ATP8B1: variants seen among roughly 807,000 people sequenced by gnomAD.
ATP8B1 encodes ATPase phospholipid transporting 8B1, also known as phospholipid-transporting ATPase IC.
Under a neutral mutation model 149.9 loss-of-function variants are expected in ATP8B1, and 80 were observed. The ratio of observed to expected loss-of-function variants is 0.53; its 90% CI spans 0.45 to 0.64. The LOEUF is 0.64. ATP8B1 is among the 30% of genes least tolerant of loss of function. ATP8B1 has a pLI of 0.00. For synonymous variants in ATP8B1, 536 were observed against 562.8 expected (o/e 0.95, Z 0.67); for missense variants, 1,247 against 1,552.6 (o/e 0.80, Z 3.31).
intron 18 of ATP8B1, 195 bp from the exon 19 acceptor site, chr18:57,668,735 ACT>A (rs1219150820): frequency 1.9e-6 from 1 of 526,808 alleles, no homozygotes; most frequent in Non-Finnish European, 3.3e-6. Flanking sequence ...ACACCTAAAA[ACT>A]TTTTCCCTAA....
rs998138817 is a variant in ATP8B1 at position 57,802,988 on chromosome 18, C to G, written c.-26+10G>C. 3.3e-5 allele frequency: 5 copies of G among 152,134 alleles called. No homozygotes were observed. Among genetic ancestry groups the G allele is most frequent in the East Asian group, 1.9e-4 (1 of 5,170 alleles). 9.4% of individuals were successfully genotyped at this position (152,134 alleles called of 1,614,324 possible). Reference sequence around the variant, plus strand: ...GGTCTGGGGGCCCCCGGCGCCGCACCCCTGCTTACCTGGCGTTCGCTGGGC... The same window carrying G: ...GGTCTGGGGGCCCCCGGCGCCGCACGCCTGCTTACCTGGCGTTCGCTGGGC... On this transcript the variant is annotated intron_variant, in intron 1 of 27. Coordinates refer to ENST00000648908, the MANE Select transcript of ATP8B1 (RefSeq NM_001374385.1). This position sits in a 1 kb window ranked among gnomAD's most constrained non-coding sequence, Gnocchi z 4.9.
intron 1 of ATP8B1, among the ~76,000 whole-genome samples, chr18:57,770,126 T>C (rs1788943): frequency 6.7e-6 from 1 of 149,558 alleles, no homozygotes; most frequent in Non-Finnish European, 1.5e-5. Context: ...TGAAGTGCAG[T>C]GGTGCGATCT....
At chr18:57,800,673 T>A (rs2080565147) in intron 1 of ATP8B1, among the ~76,000 whole-genome samples, 1 of 152,246 alleles carries the variant, frequency 6.6e-6, no homozygotes, top group South Asian at 2.1e-4. Flanking sequence ...TTCTCTGATT[T>A]AATTCTTTCA....
At position 57,692,833 on chromosome 18, in the gene ATP8B1, TAAG is replaced by T. The variant is rs1322948142; in HGVS notation, c.1030-839_1030-837del. On this transcript the variant is annotated intron_variant, in intron 11 of 27. Transcript: ENST00000648908. ...CATGACATTGTAAAATAAGATCACT[TAAG>T]AAGCAATATGATAAGTATTATGTTG... 1.7e-4 allele frequency among the ~76,000 whole-genome samples: 26 copies of T among 152,318 alleles called. No homozygotes were observed. The East Asian group carries it at 4.2e-3, about 25-fold the overall frequency.
intron 1 of ATP8B1, among the ~76,000 whole-genome samples, chr18:57,775,832 C>T (rs1388607947): frequency 2.6e-5 from 4 of 152,130 alleles, no homozygotes; most frequent in East Asian, 1.9e-4. Flanking sequence ...TTAGTAGAGA[C>T]GGCGTTTCTC....
intron 14 of ATP8B1, 65 bp from the exon 15 acceptor site, chr18:57,684,257 G>T: frequency 6.6e-7 from 1 of 1,516,166 alleles, no homozygotes; most frequent in Non-Finnish European, 9.0e-7. Flanking sequence ...CAAATGACAT[G>T]AACTTTTCTT....
At chr18:57,697,412 C>T (rs141030728) in intron 8 of ATP8B1, among the ~76,000 whole-genome samples, 1 of 152,232 alleles carries the variant, frequency 6.6e-6, no homozygotes, top group African/African-American at 2.4e-5. Context: ...CCTGTCTGAT[C>T]CTTTTACCTT....
chr18:57,747,567 T>A (rs886181236), intron 1 of ATP8B1, among the ~76,000 whole-genome samples: 10 of 152,194 alleles, frequency 6.6e-5, no homozygotes, highest in Non-Finnish European at 7.3e-5. Context: ...AATTCCCACA[T>A]GGCTCCTTTT....
Position 57,706,550 on chromosome 18 carries a change from G to T in ATP8B1, c.219C>A (p.Tyr73Ter). 1 of 1,614,016 alleles carries T rather than the reference G, an allele frequency of 6.2e-7. No homozygotes were observed. The highest frequency in any genetic ancestry group is 8.5e-7 in the Non-Finnish European group (1 of 1,179,972). ...TWQVKANDRKYHEQPHFMNTK... is the reference protein window; with the variant it reads ...TWQVKANDRK Reference sequence around the variant, plus strand: ...TGTTCATAAAGTGAGGTTGTTCGTGGTACTTGCGATCGTTTGCTTTGACTT... The same window carrying T: ...TGTTCATAAAGTGAGGTTGTTCGTGTTACTTGCGATCGTTTGCTTTGACTT... The change falls in exon 3 of 28, where the codon TAC (tyrosine) becomes TAA (stop). Residue 73 changes from tyrosine to a stop codon, truncating the protein, a stop_gained. Transcript: ENST00000648908. LOFTEE classifies it high-confidence loss of function.
intron 2 of ATP8B1, among the ~76,000 whole-genome samples, chr18:57,712,354 G>A (rs1033616898): frequency 1.3e-5 from 2 of 152,096 alleles, no homozygotes; most frequent in African/African-American, 4.8e-5. Context: ...ACAGTGCAGC[G>A]ATTGTGAGGC....
At chr18:57,688,946 C>A (rs1327264119) in intron 12 of ATP8B1, among the ~76,000 whole-genome samples, 1 of 152,178 alleles carries the variant, frequency 6.6e-6, no homozygotes, top group East Asian at 1.9e-4. Context: ...TCAGCCCAAA[C>A]TAAGCCCTCT....
chr18:57,671,220 T>A (rs1239972323), intron 17 of ATP8B1, among the ~76,000 whole-genome samples: 2 of 152,190 alleles, frequency 1.3e-5, no homozygotes, highest in Admixed American at 1.3e-4. Flanking sequence ...TTCCCCTGCC[T>A]CAGTCCTATA....
In ATP8B1 at chr18:57,732,422, G is replaced by A. The variant is rs78303539; in HGVS notation, c.-25-590C>T. On this transcript the variant is annotated intron_variant, in intron 1 of 27. Coordinates refer to ENST00000648908, the MANE Select transcript of ATP8B1 (RefSeq NM_001374385.1). ...AGGGGGTCTCAATGAAATAAATTTA[G>A]TGGGTAACAATCAACATTAAAATAA... 5.8e-3 allele frequency among the ~76,000 whole-genome samples: 873 copies of A among 150,354 alleles called. 11 individuals are homozygous for A. Among genetic ancestry groups the A allele is most frequent in the African/African-American group, 0.021 (840 of 40,936 alleles).
chr18:57,676,243 C>A (rs1911577105), intron 15 of ATP8B1, among the ~76,000 whole-genome samples: 1 of 152,026 alleles, frequency 6.6e-6, no homozygotes, highest in Non-Finnish European at 1.5e-5. Context: ...TCACTGCAGC[C>A]TTGATCGCTT....
intron 2 of ATP8B1, among the ~76,000 whole-genome samples, chr18:57,716,931 C>T (rs391860): frequency 0.17 from 25,541 of 152,066 alleles, 2,848 homozygotes; most frequent in East Asian, 0.49. Flanking sequence ...AGTCACAGAA[C>T]GAGTCTTAAA....
At position 57,668,502 on chromosome 18, in the gene ATP8B1, A is replaced by G. The variant is rs756252468; in HGVS notation, c.2136T>C (p.Asp712=). 1.9e-6 allele frequency: 3 copies of G among 1,599,394 alleles called. No homozygotes were observed. The highest frequency in any genetic ancestry group is 2.3e-5 in the East Asian group (1 of 43,908). ...GATAIEDKLQ[D]GVPETISKLA... ...GTTTTGAAATGGTTTCTGGAACTCC[A>G]TCCTGTAGCTTGTCTTCAATAGCTG... Residue 712 remains aspartate (D), a synonymous_variant, in exon 19 of 28, where the codon GAT becomes GAC. Transcript: ENST00000648908.
intron 1 of ATP8B1, among the ~76,000 whole-genome samples, chr18:57,786,965 CAGA>C (rs1383562525): frequency 6.6e-6 from 1 of 152,162 alleles, no homozygotes; most frequent in African/African-American, 2.4e-5. Flanking sequence ...CGACTTGGAA[CAGA>C]AGAATGACCC....
rs1350723496 is a variant in ATP8B1 at position 57,797,690 on chromosome 18, G to GCTTTCTTT, written c.-26+5300_-26+5307dup. Reference sequence around the variant, plus strand: ...CAGGAAGAGAGCAGACACCTGATCTGCTTTCTTTCTTTCTTTTTTTTTTTT... The same window carrying GCTTTCTTT: ...CAGGAAGAGAGCAGACACCTGATCTGCTTTCTTTCTTTCTTTCTTTCTTTTTTTTTTTT... On this transcript the variant is annotated intron_variant, in intron 1 of 27. Coordinates refer to ENST00000648908, the MANE Select transcript of ATP8B1 (RefSeq NM_001374385.1). Among the ~76,000 whole-genome samples, 4 of 134,270 alleles carry GCTTTCTTT rather than the reference G, an allele frequency of 3.0e-5. 1 individual carries two copies. The highest frequency in any genetic ancestry group is 2.5e-4 in the East Asian group (1 of 4,000). The allele number at this position is 134,270 out of a possible 152,430, so 88.1% of individuals were successfully genotyped here.
At chr18:57,684,228 T>G in intron 14 of ATP8B1, 36 bp from the exon 15 acceptor site, 1 of 1,588,638 alleles carries the variant, frequency 6.3e-7, no homozygotes, top group Non-Finnish European at 8.6e-7. Context: ...TATGATTTTA[T>G]AAAATATTTT....
Sources: allele counts gnomAD v4.1 joint callset (sites outside exome capture counted in the v4.1 genomes callset), GRCh38; gene constraint gnomAD v4.1.1; non-coding constraint Gnocchi (gnomAD v3.1); transcripts MANE v1.5; gene names NCBI Gene and HGNC (gene_info 2026-07-23, HGNC 2026-07-21).